Variants in CNTN5 observed in about 807,000 individuals in gnomAD.
CNTN5 encodes the protein contactin 5.
A neutral mutation model predicts 129.1 loss-of-function variants in CNTN5; 77 were observed. The ratio of observed to expected loss-of-function variants is 0.60; its 90% CI spans 0.50 to 0.72. The LOEUF is 0.72. Among genes scored for constraint, CNTN5 ranks in the 30% least tolerant of loss-of-function variants. CNTN5 has a pLI of 0.00. For synonymous variants in CNTN5, 509 were observed against 465.6 expected, an observed-to-expected ratio of 1.09 and a Z score of -1.20; for missense variants, 1,478 against 1,328.8, an observed-to-expected ratio of 1.11 and a Z score of -1.75.
intron 3 of CNTN5, among the ~76,000 whole-genome samples, chr11:99,655,085 T>A (rs557320206): frequency 1.3e-5 from 2 of 152,172 alleles, no homozygotes; most frequent in East Asian, 3.9e-4. Context: ...CTCATGCAGA[T>A]CCCATTCCTC....
chr11:99,902,990 G>A (rs1004332483), intron 6 of CNTN5, among the ~76,000 whole-genome samples: 1 of 152,058 alleles, frequency 6.6e-6, no homozygotes, highest in Non-Finnish European at 1.5e-5. Context: ...AGCTTCCAAC[G>A]ATTTTTTAAA....
intron 3 of CNTN5, among the ~76,000 whole-genome samples, chr11:99,677,047 CTA>C (rs1395679534): frequency 6.6e-6 from 1 of 151,998 alleles, no homozygotes; most frequent in Non-Finnish European, 1.5e-5. Context: ...TACTCAATAA[CTA>C]TTTTTAAAAT....
chr11:99,266,707 T>C (rs1862913762), intron 1 of CNTN5, among the ~76,000 whole-genome samples: 1 of 152,080 alleles, frequency 6.6e-6, no homozygotes, highest in Admixed American at 6.6e-5. Flanking sequence ...TATTGCATAA[T>C]GGTTATAAGC....
chr11:99,248,783 G>A (rs561862843), intron 1 of CNTN5, among the ~76,000 whole-genome samples: 7 of 152,094 alleles, frequency 4.6e-5, no homozygotes, highest in East Asian at 1.9e-4. Flanking sequence ...GTAGATATGC[G>A]GCATTATTTC....
chr11:99,750,412 A>AGCAATAT (rs1944191668), intron 3 of CNTN5, among the ~76,000 whole-genome samples: 1 of 152,182 alleles, frequency 6.6e-6, no homozygotes, highest in African/African-American at 2.4e-5. Flanking sequence ...AGCATCCATT[A>AGCAATAT]TAGCAATATT....
intron 2 of CNTN5, among the ~76,000 whole-genome samples, chr11:99,368,826 T>C (rs745578247): frequency 9.9e-5 from 15 of 152,076 alleles, no homozygotes; most frequent in Non-Finnish European, 2.1e-4. Context: ...TTCAAGGCTA[T>C]TGCAATAGGG....
Position 99,916,162 on chromosome 11 carries a change from C to A in CNTN5, c.673+13C>A. On this transcript the variant is annotated intron_variant, in intron 7 of 24. Coordinates refer to ENST00000524871, the MANE Select transcript of CNTN5 (RefSeq NM_014361.4). ...CCACATTCACCAGGTACAGTAGGAT[C>A]TCATTCTTTGCTGCTGCTGCTGCTC... The A allele has an allele frequency of 6.3e-7, 1 of 1,599,540 alleles. No individual in the cohort carries two copies. The highest frequency in any genetic ancestry group is 8.6e-7 in the Non-Finnish European group (1 of 1,168,922).
intron 1 of CNTN5, among the ~76,000 whole-genome samples, chr11:99,027,040 G>A (rs1196493775): frequency 1.3e-5 from 2 of 151,388 alleles, no homozygotes; most frequent in African/African-American, 4.8e-5. Flanking sequence ...ATTGCTAGAT[G>A]TGAACTTTTT....
chr11:99,371,201 A>ATTAAAGATATT (rs1224215046), intron 2 of CNTN5, among the ~76,000 whole-genome samples: 1 of 152,200 alleles, frequency 6.6e-6, no homozygotes, highest in Non-Finnish European at 1.5e-5. Context: ...ACTAATAAAG[A>ATTAAAGATATT]TTAAAGATAT....
intron 1 of CNTN5, among the ~76,000 whole-genome samples, chr11:99,276,431 G>A (rs73000251): frequency 0.034 from 5,129 of 151,632 alleles, 122 homozygotes; most frequent in Middle Eastern, 0.068. Context: ...ATTTCGAATA[G>A]CATCTGTATC....
chr11:100,174,787 G>C (rs1196519780), intron 13 of CNTN5, among the ~76,000 whole-genome samples: 1 of 152,246 alleles, frequency 6.6e-6, no homozygotes, highest in African/African-American at 2.4e-5. Context: ...AGTCTCTGCA[G>C]TTTCTTCATG....
At chr11:99,981,438 C>A (rs1408779055) in intron 8 of CNTN5, among the ~76,000 whole-genome samples, 2 of 152,076 alleles carry the variant, frequency 1.3e-5, no homozygotes, top group Admixed American at 1.3e-4. Context: ...TGTTATTGTT[C>A]TGTCTGAGTC....
chr11:99,776,351 G>T (rs1318431523), intron 3 of CNTN5, among the ~76,000 whole-genome samples: 2 of 151,826 alleles, frequency 1.3e-5, no homozygotes, highest in Non-Finnish European at 2.9e-5. Flanking sequence ...ACATTTTAAA[G>T]AAATCGATTT....
intron 3 of CNTN5, among the ~76,000 whole-genome samples, chr11:99,726,122 C>T (rs1943329210): frequency 6.6e-6 from 1 of 152,144 alleles, no homozygotes; most frequent in Non-Finnish European, 1.5e-5. Context: ...TCTCCTCTCC[C>T]TCTATCTCTG....
At position 99,139,112 on chromosome 11, in the gene CNTN5, C is replaced by G. The variant is rs11218531; in HGVS notation, c.-210+117842C>G. The stretch of plus-strand genomic sequence containing the variant: ...TCTACCCCCTCCCCACCCCCCCCCC[C>G]CAAAAATTAGCCAGGCATAGTGTCC... On this transcript the variant is annotated intron_variant, in intron 1 of 24. Coordinates refer to ENST00000524871, the MANE Select transcript of CNTN5 (RefSeq NM_014361.4). Among the ~76,000 whole-genome samples the G allele has an allele frequency of 7.8e-3, 13 of 1,668 alleles. No homozygotes were observed. In the African/African-American group the frequency reaches 0.13, roughly 17 times the overall value. The allele number at this position is 1,668 out of a possible 152,430, so 1.1% of individuals were successfully genotyped here.
At chr11:99,498,117 G>A (rs1946296496) in intron 2 of CNTN5, among the ~76,000 whole-genome samples, 1 of 152,134 alleles carries the variant, frequency 6.6e-6, no homozygotes, top group African/African-American at 2.4e-5. Context: ...AGTGAGTTTA[G>A]AGGCTGAGAG....
chr11:99,149,841 AAT>A (rs1859962917), intron 1 of CNTN5, among the ~76,000 whole-genome samples: 4 of 152,244 alleles, frequency 2.6e-5, no homozygotes, highest in Admixed American at 2.6e-4. Flanking sequence ...TTACATAAGT[AAT>A]AGTAAATATT....
chr11:100,298,275 C>T (rs541692412), intron 19 of CNTN5, among the ~76,000 whole-genome samples: 1 of 151,448 alleles, frequency 6.6e-6, no homozygotes, highest in East Asian at 2.0e-4. Flanking sequence ...ATTCCATGAG[C>T]ACATAATCTG....
intron 13 of CNTN5, among the ~76,000 whole-genome samples, chr11:100,165,743 G>C (rs73566096): frequency 0.035 from 5,250 of 151,804 alleles, 308 homozygotes; most frequent in African/African-American, 0.12. Context: ...CATTAGGAAT[G>C]ATACCTAATG....
Sources: allele counts gnomAD v4.1 joint callset (sites outside exome capture counted in the v4.1 genomes callset), GRCh38; gene constraint gnomAD v4.1.1; transcripts MANE v1.5; gene names NCBI Gene and HGNC (gene_info 2026-07-23, HGNC 2026-07-21).